Variants in COA1 observed in about 807,000 individuals in gnomAD.
The protein encoded by COA1 is cytochrome c oxidase assembly factor 1.
A neutral mutation model predicts 16.0 loss-of-function variants in COA1; 13 were observed. That is an observed-to-expected ratio of 0.81 (90% confidence interval 0.53 to 1.29). The LOEUF (loss-of-function observed/expected upper bound fraction) is 1.29, where lower values mean the gene tolerates loss of function less well. Ranked by LOEUF, COA1 falls within the 50% of genes most tolerant of loss-of-function variation. The probability of loss-of-function intolerance (pLI) is 0.00; values close to 1 mark genes in which losing one functional copy is unlikely to be tolerated. For synonymous variants in COA1, 65 were observed against 65.7 expected (o/e 0.99, Z 0.05); for missense variants, 179 against 177.0 (o/e 1.01, Z -0.06).
chr7:43,652,662 C>T (rs1260965503), intron 1 of COA1, among the ~76,000 whole-genome samples: 1 of 152,166 alleles, frequency 6.6e-6, no homozygotes, highest in Non-Finnish European at 1.5e-5. Flanking sequence ...ATCACTGCTA[C>T]TCTGGGAAAT....
At chr7:43,669,147 T>C (rs373172806) in intron 1 of COA1, among the ~76,000 whole-genome samples, 6 of 152,172 alleles carry the variant, frequency 3.9e-5, no homozygotes, top group Admixed American at 6.5e-5. Context: ...CAGCAGGAAA[T>C]AGCCAGAAAG....
At chr7:43,641,445 CAG>C (rs1001360316) in intron 4 of COA1, 2 of 151,632 alleles carry the variant, frequency 1.3e-5, no homozygotes, top group African/African-American at 4.9e-5. Context: ...TTCATGGAAA[CAG>C]AGCAAAATCC....
chr7:43,647,878 C>T, intron 2 of COA1: 1 of 513,562 alleles, frequency 1.9e-6, no homozygotes, highest in African/African-American at 1.9e-5. Flanking sequence ...GGCCCTGCCA[C>T]CCCCAGCCAG....
chr7:43,680,720 G>A (rs780073545), intron 1 of COA1, among the ~76,000 whole-genome samples: 16 of 152,214 alleles, frequency 1.1e-4, no homozygotes, highest in Non-Finnish European at 4.4e-5. Context: ...TGTAATCCCA[G>A]CACTGTGAGG....
At chr7:43,706,423 C>T (rs1563435120) in intron 1 of COA1, among the ~76,000 whole-genome samples, 1 of 152,056 alleles carries the variant, frequency 6.6e-6, no homozygotes, top group Non-Finnish European at 1.5e-5. Flanking sequence ...TGGCACACAC[C>T]TGTGGTCCCA....
At chr7:43,614,610 T>A (rs10259269) in intron 6 of COA1, among the ~76,000 whole-genome samples, 26,031 of 152,242 alleles carry the variant, frequency 0.17, 2,496 homozygotes, top group Non-Finnish European at 0.21. Flanking sequence ...TGGTCAAAAT[T>A]GGGCACAGTT....
At chr7:43,711,888 A>G (rs577845649) in intron 1 of COA1, among the ~76,000 whole-genome samples, 1 of 152,330 alleles carries the variant, frequency 6.6e-6, no homozygotes, top group East Asian at 1.9e-4. Flanking sequence ...TAAGTGGCAC[A>G]TGACTGAACA....
At chr7:43,616,454 CAA>C (rs996583020) in intron 6 of COA1, among the ~76,000 whole-genome samples, 3 of 152,126 alleles carry the variant, frequency 2.0e-5, no homozygotes, top group Non-Finnish European at 4.4e-5. Context: ...ATCACAGTGA[CAA>C]AAGAGTAATC....
At chr7:43,680,981 G>C (rs533071157) in intron 1 of COA1, among the ~76,000 whole-genome samples, 15 of 151,982 alleles carry the variant, frequency 9.9e-5, no homozygotes, top group African/African-American at 2.9e-4. Context: ...TGGGGAGGGG[G>C]GTACTTTTCA....
chr7:43,728,794 G>A (rs2095674443), intron 1 of COA1, among the ~76,000 whole-genome samples: 1 of 152,178 alleles, frequency 6.6e-6, no homozygotes, highest in African/African-American at 2.4e-5. Flanking sequence ...AGAATGGGGA[G>A]GAATCAGGGG....
Position 43,648,638 on chromosome 7 carries a change from C to T in COA1, c.-24G>A, listed in dbSNP as rs753652072. The T allele has an allele frequency of 2.5e-6, 4 of 1,612,292 alleles. No homozygotes were observed. In the African/African-American group the frequency reaches 5.3e-5, roughly 22 times the overall value. ...ATAGCACAACTCTCTTGAAAATCAT[C>T]AAAGGCAAGTTGTCCTGCAATTAGA... On this transcript the variant is annotated 5_prime_UTR_variant, in exon 2 of 6. Transcript: ENST00000223336.
At chr7:43,711,639 G>A (rs939778046) in intron 1 of COA1, among the ~76,000 whole-genome samples, 2 of 152,158 alleles carry the variant, frequency 1.3e-5, no homozygotes, top group African/African-American at 4.8e-5. Flanking sequence ...ACATCATAGC[G>A]TGTACTTACA....
chr7:43,632,130 C>T (rs2085238282), intron 6 of COA1: 1 of 153,234 alleles, frequency 6.5e-6, no homozygotes. Flanking sequence ...CAAACCCTGG[C>T]CACAGCTAAG....
At chr7:43,724,660 T>G (rs975473319) in intron 1 of COA1, among the ~76,000 whole-genome samples, 5 of 152,194 alleles carry the variant, frequency 3.3e-5, no homozygotes, top group Non-Finnish European at 5.9e-5. Context: ...CAAATATCTA[T>G]CGACTAATGA....
intron 4 of COA1, among the ~76,000 whole-genome samples, chr7:43,642,360 G>C (rs566350092): frequency 1.3e-5 from 2 of 152,308 alleles, no homozygotes; most frequent in East Asian, 3.9e-4. Flanking sequence ...TGAGGCAGGA[G>C]AATCGCTTGA....
At chr7:43,640,220 T>C (rs760029205) in intron 5 of COA1, among the ~76,000 whole-genome samples, 2 of 152,230 alleles carry the variant, frequency 1.3e-5, no homozygotes, top group Non-Finnish European at 2.9e-5. Context: ...GATGAATAAA[T>C]TCTGGAACAA....
intron 4 of COA1, among the ~76,000 whole-genome samples, chr7:43,644,369 T>C (rs1203378572): frequency 1.3e-5 from 2 of 152,196 alleles, no homozygotes; most frequent in East Asian, 3.8e-4. Flanking sequence ...AAATGTGTTT[T>C]ACATGCAAGT....
chr7:43,719,708 AT>A (rs1398692683), intron 1 of COA1, among the ~76,000 whole-genome samples: 1 of 152,174 alleles, frequency 6.6e-6, no homozygotes, highest in African/African-American at 2.4e-5. Context: ...TACTATGAAA[AT>A]GTCCCCTGAC....
chr7:43,700,142 T>C (rs947069286), intron 1 of COA1, among the ~76,000 whole-genome samples: 32 of 152,124 alleles, frequency 2.1e-4, no homozygotes, highest in African/African-American at 7.5e-4. Context: ...ATTGGCCTCT[T>C]AATATTTAGC....
Sources: allele counts gnomAD v4.1 joint callset (sites outside exome capture counted in the v4.1 genomes callset), GRCh38; gene constraint gnomAD v4.1.1; transcripts MANE v1.5; gene names NCBI Gene and HGNC (gene_info 2026-07-23, HGNC 2026-07-21).